PCSK2: variants seen among roughly 807,000 people sequenced by gnomAD.
PCSK2 encodes the protein neuroendocrine convertase 2.
In PCSK2, 14 loss-of-function variants were observed where a neutral mutation model predicts 69.7. The observed-to-expected ratio is 0.20, with a 90% CI of 0.13 to 0.31. PCSK2 has a LOEUF of 0.31. PCSK2 is among the 10% of genes least tolerant of loss of function. The pLI is 1.00. For synonymous variants in PCSK2, 307 were observed against 320.7 expected, an observed-to-expected ratio of 0.96 and a Z score of 0.46; for missense variants, 544 against 842.5, an observed-to-expected ratio of 0.65 and a Z score of 4.39.
chr20:17,294,393 G>A (rs181401837), intron 2 of PCSK2, among the ~76,000 whole-genome samples: 58 of 151,914 alleles, frequency 3.8e-4, no homozygotes, highest in Middle Eastern at 3.4e-3. Flanking sequence ...GGCGTGAGCC[G>A]CCGCGCCCGG....
At chr20:17,386,442 A>C (rs1428877315) in intron 5 of PCSK2, among the ~76,000 whole-genome samples, 3 of 152,148 alleles carry the variant, frequency 2.0e-5, no homozygotes, top group Non-Finnish European at 4.4e-5. Flanking sequence ...TAAGGTCCTA[A>C]GATTATTTAT....
intron 2 of PCSK2, among the ~76,000 whole-genome samples, chr20:17,334,856 G>T (rs1002209839): frequency 2.0e-5 from 3 of 152,148 alleles, no homozygotes; most frequent in African/African-American, 4.8e-5. Context: ...AGTCATGTTG[G>T]GTTTCCCCTG....
intron 11 of PCSK2, among the ~76,000 whole-genome samples, chr20:17,480,809 C>T (rs889218941): frequency 1.3e-4 from 20 of 152,180 alleles, no homozygotes; most frequent in African/African-American, 4.8e-4. Context: ...ATAGAGAAAC[C>T]GGGGTAAAAA....
At chr20:17,249,504 C>A (rs75994842) in intron 1 of PCSK2, among the ~76,000 whole-genome samples, 1,213 of 112,150 alleles carry the variant, frequency 0.011, no homozygotes, top group Non-Finnish European at 0.011. Context: ...GACTCTGTCT[C>A]AAAAAAAAAA....
intron 2 of PCSK2, among the ~76,000 whole-genome samples, chr20:17,286,987 A>G (rs1405063036): frequency 6.6e-6 from 1 of 152,248 alleles, no homozygotes; most frequent in Non-Finnish European, 1.5e-5. Context: ...TGGAAATGCC[A>G]ACAAGAATTT....
intron 2 of PCSK2, among the ~76,000 whole-genome samples, chr20:17,290,941 C>G (rs1988675297): frequency 6.6e-6 from 1 of 152,028 alleles, no homozygotes. Context: ...CCCCACGGTA[C>G]CTAAACCATG....
At chr20:17,274,774 G>A (rs1987996522) in intron 2 of PCSK2, among the ~76,000 whole-genome samples, 1 of 152,070 alleles carries the variant, frequency 6.6e-6, no homozygotes, top group African/African-American at 2.4e-5. Context: ...TAAGCCATTA[G>A]TATGTGGTGT....
rs537812441 is a variant in PCSK2, at chr20:17,380,733, C to A, written c.543+11456C>A. Among the ~76,000 whole-genome samples the A allele has an allele frequency of 7.2e-5, 11 of 152,262 alleles. No individual in the cohort carries two copies. In the East Asian group the frequency reaches 2.1e-3, roughly 29 times the overall value. The stretch of plus-strand genomic sequence containing the variant: ...AGAACACAAGCCTAAGGTGGTCAGA[C>A]CTCAAAGTCTGTTCTCTTAGCCTCC... On this transcript the variant is annotated intron_variant, in intron 5 of 11. Coordinates refer to ENST00000262545, the MANE Select transcript of PCSK2 (RefSeq NM_002594.5).
chr20:17,473,325 C>G (rs755685273), intron 11 of PCSK2, among the ~76,000 whole-genome samples: 2 of 152,016 alleles, frequency 1.3e-5, no homozygotes, highest in Non-Finnish European at 2.9e-5. Context: ...AACTCCTGAC[C>G]TCGTGTTCCG....
At chr20:17,238,458 AC>A (rs1446839118) in intron 1 of PCSK2, among the ~76,000 whole-genome samples, 1 of 152,220 alleles carries the variant, frequency 6.6e-6, no homozygotes, top group Non-Finnish European at 1.5e-5. Context: ...CATTAATTTA[AC>A]CCTTCATTTA....
At chr20:17,350,966 G>C (rs929087352) in intron 2 of PCSK2, among the ~76,000 whole-genome samples, 1 of 151,528 alleles carries the variant, frequency 6.6e-6, no homozygotes, top group African/African-American at 2.4e-5. Flanking sequence ...CTTGAACCTG[G>C]GAGTCGGAGG....
intron 2 of PCSK2, among the ~76,000 whole-genome samples, chr20:17,347,445 A>G (rs965589028): frequency 3.3e-5 from 5 of 152,092 alleles, no homozygotes; most frequent in African/African-American, 1.2e-4. Context: ...TTTTTCTTCC[A>G]TAATCTCCCA....
chr20:17,373,741 A>G (rs1248511343), intron 5 of PCSK2, among the ~76,000 whole-genome samples: 1 of 152,252 alleles, frequency 6.6e-6, no homozygotes, highest in East Asian at 1.9e-4. Flanking sequence ...AAGAGAGGAA[A>G]CAGCATATGC....
At chr20:17,253,018 C>T (rs750350776) in intron 1 of PCSK2, among the ~76,000 whole-genome samples, 26 of 152,182 alleles carry the variant, frequency 1.7e-4, no homozygotes, top group South Asian at 2.1e-4. Context: ...ATTTACTTTT[C>T]GGTGAATCTT....
At chr20:17,334,281 A>G (rs960394967) in intron 2 of PCSK2, among the ~76,000 whole-genome samples, 1 of 152,126 alleles carries the variant, frequency 6.6e-6, no homozygotes, top group African/African-American at 2.4e-5. Context: ...AGTCACTGGA[A>G]TGAGAAATTA....
chr20:17,419,951 G>T (rs1041858315), intron 6 of PCSK2, among the ~76,000 whole-genome samples: 2 of 152,202 alleles, frequency 1.3e-5, no homozygotes, highest in Admixed American at 1.3e-4. Context: ...TGCAATTCTT[G>T]GCTGCAGAAA....
intron 2 of PCSK2, among the ~76,000 whole-genome samples, chr20:17,349,020 AT>A (rs1258760557): frequency 6.6e-6 from 1 of 152,120 alleles, no homozygotes; most frequent in Non-Finnish European, 1.5e-5. Flanking sequence ...CTAACCTCTC[AT>A]GTGGTTGTCG....
intron 4 of PCSK2, among the ~76,000 whole-genome samples, chr20:17,365,325 C>A (rs1447068200): frequency 1.3e-5 from 2 of 152,106 alleles, no homozygotes; most frequent in African/African-American, 4.8e-5. Flanking sequence ...GCACAGCCCT[C>A]AAAACCTAAT....
chr20:17,369,766 TATTGA>T (rs2030703917), intron 5 of PCSK2, among the ~76,000 whole-genome samples: 1 of 152,168 alleles, frequency 6.6e-6, no homozygotes, highest in Non-Finnish European at 1.5e-5. Context: ...TACCTGATGA[TATTGA>T]ATTGAAGGGT....
Sources: gnomAD v4.1 joint callset for allele counts (sites outside exome capture counted in the v4.1 genomes callset) on GRCh38, gnomAD v4.1.1 for gene constraint, MANE v1.5 for transcripts, NCBI Gene and HGNC (gene_info 2026-07-23, HGNC 2026-07-21) for gene names.